The following AGMO variants were observed in gnomAD, a reference collection of about 807,000 sequenced individuals.
The protein encoded by AGMO is glyceryl-ether monooxygenase.
A neutral mutation model predicts 60.2 loss-of-function variants in AGMO; 75 were observed. That is an observed-to-expected ratio of 1.25 (90% CI 1.03 to 1.51). The LOEUF (loss-of-function observed/expected upper bound fraction) is 1.51, where lower values mean the gene tolerates loss of function less well. AGMO is among the 40% of genes most tolerant of loss of function. The pLI, the probability that AGMO is intolerant of heterozygous loss-of-function variation, is 0.00. For missense variants in AGMO, 763 were observed against 525.5 expected (o/e 1.45, Z -4.42); for synonymous variants, 261 against 177.1 (o/e 1.47, Z -3.76).
chr7:15,228,566 T>C (rs1782158359), intron 12 of AGMO, among the ~76,000 whole-genome samples: 1 of 151,924 alleles, frequency 6.6e-6, no homozygotes. Context: ...GAATCACATA[T>C]TGCAAATGCA....
At chr7:15,147,063 T>C in the AGMO span, among the ~76,000 whole-genome samples, 2 of 152,140 alleles carry the variant, frequency 1.3e-5, no homozygotes, top group Non-Finnish European at 2.9e-5. Flanking sequence ...TGCTCTGCCA[T>C]GTCTGAGGTC....
intron 12 of AGMO, among the ~76,000 whole-genome samples, chr7:15,201,841 AT>A (rs1781297129): frequency 6.6e-6 from 1 of 152,174 alleles, no homozygotes; most frequent in Non-Finnish European, 1.5e-5. Context: ...ACTGCTGATG[AT>A]TTACCTCCTC....
At chr7:15,157,805 T>C in the AGMO span, among the ~76,000 whole-genome samples, 1 of 152,226 alleles carries the variant, frequency 6.6e-6, no homozygotes, top group Non-Finnish European at 1.5e-5. Flanking sequence ...ACTCCTCTCA[T>C]AAATTCCTTC....
At chr7:15,559,695 T>C (rs745825297) in intron 2 of AGMO, among the ~76,000 whole-genome samples, 21 of 152,042 alleles carry the variant, frequency 1.4e-4, no homozygotes, top group Admixed American at 1.1e-3. Context: ...ATTCATATTA[T>C]GGAAATGCTT....
intron 2 of AGMO, among the ~76,000 whole-genome samples, chr7:15,557,861 C>T (rs766580476): frequency 6.6e-6 from 1 of 151,932 alleles, no homozygotes; most frequent in African/African-American, 2.4e-5. Flanking sequence ...AAGTTCATAA[C>T]CTTTTACCTT....
intron 12 of AGMO, among the ~76,000 whole-genome samples, chr7:15,294,058 T>C (rs1271908766): frequency 6.6e-6 from 1 of 152,124 alleles, no homozygotes; most frequent in Non-Finnish European, 1.5e-5. Context: ...TTACATTTAA[T>C]GAATAATTAA....
intron 12 of AGMO, among the ~76,000 whole-genome samples, chr7:15,304,745 G>T (rs1318884285): frequency 6.6e-6 from 1 of 151,980 alleles, no homozygotes; most frequent in African/African-American, 2.4e-5. Flanking sequence ...GAATGGAGAT[G>T]AAATTACTAG....
chr7:15,357,571 G>A (rs989830130), intron 12 of AGMO, among the ~76,000 whole-genome samples: 1 of 152,170 alleles, frequency 6.6e-6, no homozygotes, highest in African/African-American at 2.4e-5. Context: ...CCAATGGAAT[G>A]TAGCAGAAAT....
chr7:15,448,653 A>C (rs1781772693), intron 3 of AGMO, among the ~76,000 whole-genome samples: 1 of 142,706 alleles, frequency 7.0e-6, no homozygotes, highest in African/African-American at 2.6e-5. Context: ...CCAAGATTTT[A>C]GAAAATATAA....
intron 12 of AGMO, among the ~76,000 whole-genome samples, chr7:15,247,480 GGA>G (rs1554401101): frequency 1.5e-5 from 1 of 66,392 alleles, no homozygotes; most frequent in African/African-American, 5.9e-5. Flanking sequence ...AGAGAGAGAG[GGA>G]GAGAGAGGGA....
intron 12 of AGMO, among the ~76,000 whole-genome samples, chr7:15,334,862 C>T (rs1044388700): frequency 6.6e-6 from 1 of 152,136 alleles, no homozygotes. Context: ...AGAGCAAAAC[C>T]TAGCTATAAA....
At chr7:15,556,219 G>GTTTTTTT (rs71004394) in intron 2 of AGMO, among the ~76,000 whole-genome samples, 2 of 91,500 alleles carry the variant, frequency 2.2e-5, no homozygotes, top group African/African-American at 7.7e-5. Flanking sequence ...CTCCTTTTTA[G>GTTTTTTT]TTTTTTTTTT....
At chr7:15,510,491 T>C (rs867826825) in intron 3 of AGMO, among the ~76,000 whole-genome samples, 2 of 151,868 alleles carry the variant, frequency 1.3e-5, no homozygotes, top group African/African-American at 4.8e-5. Context: ...AGCATCTGTT[T>C]ATGGGTAAAC....
rs570546629 is a variant in AGMO, at chr7:15,244,562, T to TA, written c.1264-43204dup. On this transcript the variant is annotated intron_variant, in intron 12 of 12. Transcript: ENST00000342526. ...ATTCTATAGAAATAATGGTGTACTA[T>TA]AAACAGATTGATGATGAGACCAGTA... Among the ~76,000 whole-genome samples the TA allele has an allele frequency of 1.1e-3, 165 of 152,326 alleles. 2 individuals carry two copies. The highest frequency in any genetic ancestry group is 3.9e-3 in the African/African-American group (162 of 41,570).
At chr7:15,545,929 C>G (rs984820645) in intron 2 of AGMO, among the ~76,000 whole-genome samples, 7 of 151,844 alleles carry the variant, frequency 4.6e-5, no homozygotes, top group Non-Finnish European at 8.8e-5. Flanking sequence ...AAGTCATCAA[C>G]AAGTTTGGTG....
intron 12 of AGMO, among the ~76,000 whole-genome samples, chr7:15,202,479 A>C (rs904734489): frequency 7.7e-6 from 1 of 129,504 alleles, no homozygotes; most frequent in African/African-American, 3.0e-5. Context: ...AAAAAAAAAA[A>C]AAAAAAAAAA....
intron 12 of AGMO, among the ~76,000 whole-genome samples, chr7:15,313,940 G>A (rs141931327): frequency 1.3e-5 from 2 of 151,782 alleles, no homozygotes; most frequent in Non-Finnish European, 2.9e-5. Context: ...TGTGAGATGA[G>A]AAAATGCCTA....
At chr7:15,424,098 G>T (rs1780996399) in intron 4 of AGMO, among the ~76,000 whole-genome samples, 1 of 152,000 alleles carries the variant, frequency 6.6e-6, no homozygotes, top group African/African-American at 2.4e-5. Flanking sequence ...ATTCATTACA[G>T]ATTTGCTTCA....
chr7:15,440,613 G>A (rs1781526880), intron 3 of AGMO, among the ~76,000 whole-genome samples: 1 of 152,070 alleles, frequency 6.6e-6, no homozygotes. Context: ...GGTGCTCATG[G>A]TTTCACCTAT....
Sources: allele counts gnomAD v4.1 joint callset (sites outside exome capture counted in the v4.1 genomes callset), GRCh38; gene constraint gnomAD v4.1.1; transcripts MANE v1.5; gene names NCBI Gene and HGNC (gene_info 2026-07-23, HGNC 2026-07-21).